Variants in PPP2R5A observed in about 807,000 individuals in gnomAD.
The protein encoded by PPP2R5A is protein phosphatase 2 regulatory subunit B'alpha.
PPP2R5A carries 25 observed loss-of-function variants against 64.2 expected under a neutral mutation model. The ratio of observed to expected loss-of-function variants is 0.39; its 90% confidence interval spans 0.28 to 0.54. The LOEUF (loss-of-function observed/expected upper bound fraction) is 0.54. Among genes scored for constraint, PPP2R5A ranks in the 20% least tolerant of loss-of-function variants. The pLI, the probability that PPP2R5A is intolerant of heterozygous loss-of-function variation, is 0.67. For missense variants in PPP2R5A, 425 were observed against 576.3 expected (o/e 0.74, Z 2.69); for synonymous variants, 198 against 201.2 (o/e 0.98, Z 0.13).
intron 3 of PPP2R5A, among the ~76,000 whole-genome samples, chr1:212,335,966 G>C (rs1280193230): frequency 1.3e-5 from 2 of 152,236 alleles, no homozygotes; most frequent in Middle Eastern, 6.8e-3. Flanking sequence ...CTCATGGAAA[G>C]TAACAGTGGA....
intron 6 of PPP2R5A, among the ~76,000 whole-genome samples, chr1:212,347,768 A>G (rs1659809084): frequency 6.6e-6 from 1 of 151,398 alleles, no homozygotes; most frequent in African/African-American, 2.4e-5. Flanking sequence ...CTGGTCTTGA[A>G]CTCCTGACCT....
rs891677049 is a variant in PPP2R5A at position 212,330,593 on chromosome 1, G to A, written c.378+1262G>A. The stretch of plus-strand genomic sequence containing the variant: ...ATCCAGTTGGACTAATTAGAGAGTC[G>A]CTGAGTACATAATTTAAACTTAGAG... On this transcript the variant is annotated intron_variant, in intron 2 of 12. Transcript: ENST00000261461. 4.6e-5 allele frequency among the ~76,000 whole-genome samples: 7 copies of A among 151,216 alleles called. No individual in the cohort carries two copies. The East Asian group carries it at 7.7e-4, about 17-fold the overall frequency.
intron 1 of PPP2R5A, among the ~76,000 whole-genome samples, chr1:212,320,579 C>CG (rs1375101825): frequency 8.4e-6 from 1 of 118,908 alleles, no homozygotes; most frequent in African/African-American, 5.8e-5. Flanking sequence ...GGGGGGCTGA[C>CG]CCCCCCGCCT....
intron 8 of PPP2R5A, among the ~76,000 whole-genome samples, chr1:212,350,610 T>C (rs1052307664): frequency 1.6e-4 from 24 of 151,010 alleles, no homozygotes; most frequent in African/African-American, 5.8e-4. Context: ...TCTGAGCTCA[T>C]ACCAGTGCAC....
In PPP2R5A at chr1:212,349,340, G is replaced by A. The variant is rs371480437; in HGVS notation, c.927+98G>A. Reference sequence around the variant, plus strand: ...CTTTATAGTTATTAAGTAGAATAATGTACGTTAAGCTAAAATCATTTAGAA... The same window carrying A: ...CTTTATAGTTATTAAGTAGAATAATATACGTTAAGCTAAAATCATTTAGAA... On this transcript the variant is annotated intron_variant, in intron 8 of 12. Transcript: ENST00000261461. 30 of 862,210 alleles carry A rather than the reference G, an allele frequency of 3.5e-5. No individual in the cohort carries two copies. In the East Asian group the frequency reaches 4.1e-4, roughly 12 times the overall value. The allele number at this position is 862,210 out of a possible 1,614,324, so 53.4% of individuals were successfully genotyped here.
At chr1:212,341,102 T>TA (rs940723381) in intron 3 of PPP2R5A, among the ~76,000 whole-genome samples, 2 of 151,706 alleles carry the variant, frequency 1.3e-5, no homozygotes, top group East Asian at 1.9e-4. Flanking sequence ...TAGGTTACAA[T>TA]AAAAAAAAAC....
intron 1 of PPP2R5A, among the ~76,000 whole-genome samples, chr1:212,307,590 ATAT>A (rs1201884955): frequency 6.6e-6 from 1 of 152,196 alleles, no homozygotes; most frequent in Non-Finnish European, 1.5e-5. Flanking sequence ...ACATTATATA[ATAT>A]TATTTTGTGT....
chr1:212,307,671 T>C (rs1275683698), intron 1 of PPP2R5A, among the ~76,000 whole-genome samples: 3 of 152,210 alleles, frequency 2.0e-5, no homozygotes, highest in African/African-American at 7.2e-5. Flanking sequence ...TATAGTTACA[T>C]AATTATCTTT....
chr1:212,311,465 CAAA>C (rs879500450), intron 1 of PPP2R5A, among the ~76,000 whole-genome samples: 1 of 117,532 alleles, frequency 8.5e-6, no homozygotes, highest in Admixed American at 8.6e-5. Context: ...GACTCCGTCT[CAAA>C]AAAAAAAAAA....
At chr1:212,289,657 C>G (rs1658566985) in intron 1 of PPP2R5A, among the ~76,000 whole-genome samples, 1 of 152,034 alleles carries the variant, frequency 6.6e-6, no homozygotes, top group African/African-American at 2.4e-5. Context: ...CAAATCTCCC[C>G]AGGCCTGTGG....
chr1:212,285,811 C>G lies in PPP2R5A; in HGVS notation c.-300C>G, dbSNP rs1658482934. ...TCTAAACTTCGGGCTCTCTTCCACCCGCTCTGCGCGCCCAGAGTCAACAAC... is the reference window on the plus strand; with the variant it reads ...TCTAAACTTCGGGCTCTCTTCCACCGGCTCTGCGCGCCCAGAGTCAACAAC... On this transcript the variant is annotated 5_prime_UTR_variant, in exon 1 of 13. Coordinates refer to ENST00000261461, the MANE Select transcript of PPP2R5A (RefSeq NM_006243.4). 3.3e-6 allele frequency: 1 copy of G among 301,736 alleles called. No homozygotes were observed. 18.7% of individuals were successfully genotyped at this position (301,736 alleles called of 1,614,324 possible). A position where few individuals can be genotyped will look rare whatever the true frequency, so the allele number is the denominator to read the frequency against.
intron 1 of PPP2R5A, among the ~76,000 whole-genome samples, chr1:212,314,949 C>G (rs1416151562): frequency 6.6e-6 from 1 of 152,166 alleles, no homozygotes; most frequent in Non-Finnish European, 1.5e-5. Flanking sequence ...TCAAGCAGTT[C>G]TCCTGCCTCA....
intron 1 of PPP2R5A, among the ~76,000 whole-genome samples, chr1:212,315,573 G>GA (rs1260886985): frequency 2.4e-4 from 37 of 152,036 alleles, no homozygotes; most frequent in Admixed American, 1.2e-3. Flanking sequence ...AATTTACTTC[G>GA]AAAAATTCTC....
chr1:212,289,328 A>T (rs1436164240), intron 1 of PPP2R5A, among the ~76,000 whole-genome samples: 5 of 152,178 alleles, frequency 3.3e-5, no homozygotes, highest in Non-Finnish European at 5.9e-5. Flanking sequence ...TTGTTTGATA[A>T]TCCATGGCTC....
intron 1 of PPP2R5A, among the ~76,000 whole-genome samples, chr1:212,322,279 A>AGGGAGG (rs1288889053): frequency 1.5e-5 from 2 of 129,158 alleles, no homozygotes; most frequent in African/African-American, 6.0e-5. Context: ...GGAGAGGGAG[A>AGGGAGG]GGAGGGAGAG....
chr1:212,332,236 C>T (rs1659517271), intron 2 of PPP2R5A, among the ~76,000 whole-genome samples: 1 of 152,176 alleles, frequency 6.6e-6, no homozygotes, highest in Admixed American at 6.5e-5. Context: ...CAGTAATTGA[C>T]TATTAGCAGT....
At chr1:212,355,027 C>T (rs902932552) in intron 8 of PPP2R5A, among the ~76,000 whole-genome samples, 1 of 152,124 alleles carries the variant, frequency 6.6e-6, no homozygotes, top group Admixed American at 6.5e-5. Context: ...TAGAACGTAT[C>T]CCCATCATTA....
At chr1:212,359,491 TATAAA>T (rs1464582572) in intron 12 of PPP2R5A, among the ~76,000 whole-genome samples, 5 of 152,242 alleles carry the variant, frequency 3.3e-5, no homozygotes, top group Admixed American at 6.5e-5. Context: ...CATAAATTAC[TATAAA>T]ATAATCTTTC....
intron 3 of PPP2R5A, among the ~76,000 whole-genome samples, chr1:212,341,669 A>G (rs1015743811): frequency 2.6e-5 from 4 of 152,222 alleles, no homozygotes; most frequent in Admixed American, 6.5e-5. Context: ...AGCAATAAAT[A>G]AATCTCAAAG....
Sources: gnomAD v4.1 joint callset for allele counts (sites outside exome capture counted in the v4.1 genomes callset) on GRCh38, gnomAD v4.1.1 for gene constraint, MANE v1.5 for transcripts, NCBI Gene and HGNC (gene_info 2026-07-23, HGNC 2026-07-21) for gene names.